The following GPR149 variants were observed in gnomAD, a reference collection of about 807,000 sequenced individuals.
GPR149 encodes G protein-coupled receptor 149.
Under a neutral mutation model 50.2 loss-of-function variants are expected in GPR149, and 50 were observed. The observed-to-expected ratio is 1.00, with a 90% CI of 0.79 to 1.26. The LOEUF is 1.26. Ranked by LOEUF, GPR149 falls within the 50% of genes most tolerant of loss-of-function variation. The pLI is 0.00. For missense variants in GPR149, 983 were observed against 895.4 expected, an observed-to-expected ratio of 1.10 and a Z score of -1.25; for synonymous variants, 405 against 358.2, an observed-to-expected ratio of 1.13 and a Z score of -1.48.
Position 154,337,484 on chromosome 3 carries a change from T to C in GPR149, c.*215A>G, listed in dbSNP as rs1299202270. Among the ~76,000 whole-genome samples, 2 of 152,192 alleles carry C rather than the reference T, an allele frequency of 1.3e-5. No homozygotes were observed. The highest frequency in any genetic ancestry group is 2.9e-5 in the Non-Finnish European group (2 of 68,030). On this transcript the variant is annotated 3_prime_UTR_variant, in exon 4 of 4. Transcript: ENST00000389740. Reference sequence around the variant, plus strand: ...TTTAGAAGTCAGATAAGAAGTAAAATCTTTTCATTACCACAGTGTGTGATC... The same window carrying C: ...TTTAGAAGTCAGATAAGAAGTAAAACCTTTTCATTACCACAGTGTGTGATC...
chr3:154,353,898 C>T (rs925553457), intron 3 of GPR149: 1 of 554,726 alleles, frequency 1.8e-6, no homozygotes, highest in African/African-American at 1.9e-5. Context: ...ACAGTCTCTT[C>T]AGAAATACGG....
intron 2 of GPR149, among the ~76,000 whole-genome samples, chr3:154,422,792 C>T (rs1278582505): frequency 2.0e-5 from 3 of 151,740 alleles, no homozygotes; most frequent in African/African-American, 7.2e-5. Flanking sequence ...TATATTTTTA[C>T]TGACCTTTTC....
chr3:154,400,015 C>T (rs1014168453), intron 3 of GPR149, among the ~76,000 whole-genome samples: 1 of 152,136 alleles, frequency 6.6e-6, no homozygotes, highest in Non-Finnish European at 1.5e-5. Flanking sequence ...GAGACGGAGT[C>T]TCACTCTGTT....
chr3:154,339,756 G>T (rs1713743840), intron 3 of GPR149, among the ~76,000 whole-genome samples: 1 of 147,098 alleles, frequency 6.8e-6, no homozygotes, highest in African/African-American at 2.5e-5. Flanking sequence ...GAGTTTCATT[G>T]GGGGTGCCTT....
At chr3:154,384,488 A>G (rs536087665) in intron 3 of GPR149, among the ~76,000 whole-genome samples, 1 of 152,196 alleles carries the variant, frequency 6.6e-6, no homozygotes, top group South Asian at 2.1e-4. Context: ...GATGGGGAAA[A>G]CTCTAATACT....
intron 3 of GPR149, among the ~76,000 whole-genome samples, chr3:154,408,917 A>G (rs1023210048): frequency 6.6e-6 from 1 of 152,264 alleles, no homozygotes; most frequent in Non-Finnish European, 1.5e-5. Context: ...CCGAAGGCCA[A>G]TCAACACAAA....
At chr3:154,364,177 A>G (rs891568870) in intron 3 of GPR149, among the ~76,000 whole-genome samples, 1 of 152,192 alleles carries the variant, frequency 6.6e-6, no homozygotes, top group African/African-American at 2.4e-5. Context: ...GGGAGTAAAA[A>G]AGCTGCAACA....
In GPR149 at chr3:154,338,284, A is replaced by C; in HGVS notation, c.1624-13T>G. On this transcript the variant is annotated splice_polypyrimidine_tract_variant and intron_variant, in intron 3 of 3. Transcript: ENST00000389740. ...CATAACCGGAACGCTGGGGACAAAA[A>C]CAAAATTGTTATTGTTGAAAGCTAG... is the stretch of plus-strand genomic sequence containing the variant. The C allele has an allele frequency of 6.6e-7, 1 of 1,518,980 alleles. No individual in the cohort carries two copies. The highest frequency in any genetic ancestry group is 8.8e-7 in the Non-Finnish European group (1 of 1,134,130). 94.1% of individuals were successfully genotyped at this position (1,518,980 alleles called of 1,614,324 possible).
At chr3:154,400,391 A>G (rs1711525463) in intron 3 of GPR149, among the ~76,000 whole-genome samples, 1 of 152,220 alleles carries the variant, frequency 6.6e-6, no homozygotes, top group South Asian at 2.1e-4. Context: ...GTAATATTTC[A>G]TATAATATGT....
intron 3 of GPR149, chr3:154,353,960 T>C (rs1371461352): frequency 2.0e-6 from 1 of 488,110 alleles, no homozygotes; most frequent in African/African-American, 2.0e-5. Context: ...CTCCTCTAGT[T>C]TATTATCACT....
intron 3 of GPR149, among the ~76,000 whole-genome samples, chr3:154,367,933 T>C (rs1232310943): frequency 6.6e-6 from 1 of 152,214 alleles, no homozygotes; most frequent in African/African-American, 2.4e-5. Flanking sequence ...TGGGCACCTG[T>C]CAGCCACTTA....
At chr3:154,353,055 C>T (rs1714121827) in intron 3 of GPR149, 5 of 1,408,556 alleles carry the variant, frequency 3.5e-6, no homozygotes, top group Non-Finnish European at 5.0e-6. Context: ...TGTAATTTCT[C>T]TTTGTGACTG....
In GPR149 at chr3:154,407,405, C is replaced by T. The variant is rs188570895; in HGVS notation, c.1623+13634G>A. 4.8e-3 allele frequency among the ~76,000 whole-genome samples: 728 copies of T among 151,918 alleles called. 4 individuals carry two copies. Among genetic ancestry groups the T allele is most frequent in the African/African-American group, 0.016 (678 of 41,422 alleles). On this transcript the variant is annotated intron_variant, in intron 3 of 3. Transcript: ENST00000389740. Reference sequence around the variant, plus strand: ...AATTATTATACTCTTAATATTTTTTCCTACAGGGGTGTGGGTTAGCAATTC... The same window carrying T: ...AATTATTATACTCTTAATATTTTTTTCTACAGGGGTGTGGGTTAGCAATTC...
chr3:154,362,849 A>G (rs1327621380), intron 3 of GPR149, among the ~76,000 whole-genome samples: 1 of 152,186 alleles, frequency 6.6e-6, no homozygotes, highest in African/African-American at 2.4e-5. Context: ...TTCAAGTCCT[A>G]TATAACCTGG....
intron 2 of GPR149, among the ~76,000 whole-genome samples, chr3:154,424,095 T>A (rs1712230393): frequency 6.6e-6 from 1 of 151,862 alleles, no homozygotes; most frequent in Non-Finnish European, 1.5e-5. Context: ...AATTCTAATT[T>A]TTCAGACAAA....
rs1188361758 is a variant in GPR149 at position 154,335,634 on chromosome 3, C to T, written c.*2065G>A. Reference sequence around the variant, plus strand: ...ATCCTAATTATTTTTCCAATTCCCCCAGTTTAAGCCCTTGTCCAGTTAAAA... The same window carrying T: ...ATCCTAATTATTTTTCCAATTCCCCTAGTTTAAGCCCTTGTCCAGTTAAAA... On this transcript the variant is annotated 3_prime_UTR_variant, in exon 4 of 4. Transcript: ENST00000389740. 2 of 152,124 alleles carry T rather than the reference C, an allele frequency of 1.3e-5. No homozygotes were observed. Among genetic ancestry groups the T allele is most frequent in the Non-Finnish European group, 2.9e-5 (2 of 67,972 alleles). 9.4% of individuals were successfully genotyped at this position (152,124 alleles called of 1,614,324 possible).
At chr3:154,372,328 A>C (rs952038809) in intron 3 of GPR149, among the ~76,000 whole-genome samples, 1 of 152,132 alleles carries the variant, frequency 6.6e-6, no homozygotes. Flanking sequence ...ATTAACAGTG[A>C]AAATTTTGTT....
chr3:154,367,649 A>C (rs811525), intron 3 of GPR149, among the ~76,000 whole-genome samples: 147,105 of 152,238 alleles, frequency 0.97, 71,163 homozygotes, highest in East Asian at 1. Flanking sequence ...CACTTGGGAC[A>C]CCTTCCATGC....
chr3:154,351,313 CAAAAAAAAAAAAAAAAA>C (rs71155003), intron 3 of GPR149, among the ~76,000 whole-genome samples: 1 of 75,526 alleles, frequency 1.3e-5, no homozygotes, highest in African/African-American at 5.2e-5. Context: ...CATCCACATA[CAAAAAAAAAAAAAAAAA>C]AAAAAAAAAA....
Sources: gnomAD v4.1 joint callset for allele counts (sites outside exome capture counted in the v4.1 genomes callset) on GRCh38, gnomAD v4.1.1 for gene constraint, MANE v1.5 for transcripts, NCBI Gene and HGNC (gene_info 2026-07-23, HGNC 2026-07-21) for gene names.